NFILZ: variants seen among roughly 807,000 people sequenced by gnomAD.
The protein encoded by NFILZ is NFIL3 like protein.
Position 8,668,236 on chromosome 19 carries a change from C to T in NFILZ, c.-163-6315C>T, listed in dbSNP as rs535256814. 4.6e-5 allele frequency among the ~76,000 whole-genome samples: 7 copies of T among 152,048 alleles called. No individual in the cohort carries two copies. In the South Asian group the frequency reaches 1.0e-3, roughly 23 times the overall value. On this transcript the variant is annotated intron_variant, in intron 3 of 5. Transcript: ENST00000691075. ...AAAGTGCTGAGATTATAGGCCTGAG[C>T]GACTGTGCCCGGCATATACATATAT...
At chr19:8,639,439 A>G (rs370043029) in intron 3 of NFILZ, among the ~76,000 whole-genome samples, 3 of 151,776 alleles carry the variant, frequency 2.0e-5, no homozygotes, top group Non-Finnish European at 4.4e-5. Flanking sequence ...ACAAAACAAA[A>G]CGCAACAATT....
chr19:8,653,007 C>CTTTCTTTCTTTCTTTCTTT (rs1568420430), intron 3 of NFILZ, among the ~76,000 whole-genome samples: 5 of 46,728 alleles, frequency 1.1e-4, no homozygotes, highest in African/African-American at 2.7e-4. Context: ...TTCCTTCCTT[C>CTTTCTTTCTTTCTTTCTTT]CTTCCTTTCT....
intron 3 of NFILZ, among the ~76,000 whole-genome samples, chr19:8,671,324 T>C (rs1334415284): frequency 1.3e-5 from 2 of 152,012 alleles, no homozygotes; most frequent in Non-Finnish European, 2.9e-5. Context: ...GCCCAGCTCT[T>C]ACTGTGTTTT....
chr19:8,637,478 C>T (rs368964230), intron 3 of NFILZ, among the ~76,000 whole-genome samples: 4 of 150,604 alleles, frequency 2.7e-5, no homozygotes, highest in East Asian at 3.9e-4. Flanking sequence ...CAGGGAATGG[C>T]GGTGCATACT....
At chr19:8,661,338 A>AT (rs1260699759) in intron 3 of NFILZ, among the ~76,000 whole-genome samples, 1 of 151,152 alleles carries the variant, frequency 6.6e-6, no homozygotes, top group Non-Finnish European at 1.5e-5. Context: ...AGTTTTTTGT[A>AT]TTTTTTGTAG....
At chr19:8,668,505 C>A (rs2043072794) in intron 3 of NFILZ, among the ~76,000 whole-genome samples, 1 of 152,146 alleles carries the variant, frequency 6.6e-6, no homozygotes, top group Admixed American at 6.5e-5. Flanking sequence ...CTAACATATT[C>A]ATTGTACAGC....
At chr19:8,656,094 C>T (rs1481162577) in intron 3 of NFILZ, among the ~76,000 whole-genome samples, 2 of 152,066 alleles carry the variant, frequency 1.3e-5, no homozygotes, top group Non-Finnish European at 2.9e-5. Flanking sequence ...CAGGCACTGC[C>T]CAGGAAGGAG....
At chr19:8,675,372 T>G (rs1600157036) in intron 4 of NFILZ, among the ~76,000 whole-genome samples, 1 of 152,208 alleles carries the variant, frequency 6.6e-6, no homozygotes, top group Non-Finnish European at 1.5e-5. Flanking sequence ...AGAGTCTTCA[T>G]GAAAACCAGT....
At position 8,631,376 on chromosome 19, in the gene NFILZ, G is replaced by A. The variant is rs576327389; in HGVS notation, c.-411+632G>A. Among the ~76,000 whole-genome samples, 16 of 152,214 alleles carry A rather than the reference G, an allele frequency of 1.1e-4. No individual in the cohort carries two copies. The South Asian group carries it at 2.5e-3, about 24-fold the overall frequency. On this transcript the variant is annotated intron_variant, in intron 1 of 5. Transcript: ENST00000691075. The stretch of plus-strand genomic sequence containing the variant: ...CTCACAGGGAGGCTGGAGGGGGTCA[G>A]CCCAGGCAGGGCTGGGGGCTGGGCT...
At chr19:8,639,962 C>T (rs1463918525) in intron 3 of NFILZ, among the ~76,000 whole-genome samples, 1 of 152,084 alleles carries the variant, frequency 6.6e-6, no homozygotes, top group Non-Finnish European at 1.5e-5. Flanking sequence ...TGGCTGGGTC[C>T]CGGCTCTTTT....
In NFILZ at chr19:8,681,060, C is replaced by T. The variant is rs1364320026; in HGVS notation, c.*3425C>T. On this transcript the variant is annotated 3_prime_UTR_variant, in exon 6 of 6. Transcript: ENST00000691075. Reference sequence around the variant, plus strand: ...CTGAGTGATATGGGCATGAGGGGGACGTTTCCAAGTATATTTCTGTTGTAG... The same window carrying T: ...CTGAGTGATATGGGCATGAGGGGGATGTTTCCAAGTATATTTCTGTTGTAG... Among the ~76,000 whole-genome samples the T allele has an allele frequency of 3.9e-5, 6 of 151,944 alleles. No individual in the cohort carries two copies. Among genetic ancestry groups the T allele is most frequent in the South Asian group, 2.1e-4 (1 of 4,808 alleles).
chr19:8,663,746 G>GTGTGTA (rs1555674960), intron 3 of NFILZ, among the ~76,000 whole-genome samples: 3 of 51,892 alleles, frequency 5.8e-5, no homozygotes, highest in East Asian at 2.9e-4. Flanking sequence ...GTGTGTGTGT[G>GTGTGTA]TGTGTGTGTG....
At chr19:8,637,377 C>T (rs1216264075) in intron 3 of NFILZ, among the ~76,000 whole-genome samples, 2 of 151,958 alleles carry the variant, frequency 1.3e-5, no homozygotes, top group Admixed American at 1.3e-4. Flanking sequence ...ACAAAGTTAC[C>T]ATAGAACTCA....
rs1282304084 is a variant in NFILZ, at chr19:8,677,244, G to T, written c.479G>T (p.Arg160Ile). 6.6e-6 allele frequency among the ~76,000 whole-genome samples: 1 copy of T among 152,230 alleles called. No homozygotes were observed. Among genetic ancestry groups the T allele is most frequent in the Non-Finnish European group, 1.5e-5 (1 of 68,036 alleles). Residue 160 changes from arginine to isoleucine, a missense_variant, in exon 6 of 6, where the codon AGA becomes ATA. Physicochemically the swap from Arg to Ile is moderately conservative, Grantham distance 97. Transcript: ENST00000691075. ...TGTCGGGGCTGCCTGCTGGCTCCCA[G>T]ATGGACTGGCTTGGCCACTTCTCCT... is the stretch of plus-strand genomic sequence containing the variant. Reference protein sequence around the residue: ...PGCRGCLLAPRWTGLATSPRS... With the variant: ...PGCRGCLLAPIWTGLATSPRS...
At chr19:8,660,643 T>C (rs2043025998) in intron 3 of NFILZ, among the ~76,000 whole-genome samples, 1 of 134,370 alleles carries the variant, frequency 7.4e-6, no homozygotes, top group African/African-American at 2.7e-5. Context: ...TCCCTTACTT[T>C]TTTTTTTTTT....
chr19:8,669,208 G>T (rs782739092), intron 3 of NFILZ, among the ~76,000 whole-genome samples: 3 of 152,234 alleles, frequency 2.0e-5, no homozygotes, highest in Non-Finnish European at 4.4e-5. Context: ...GCCTCCCAAA[G>T]TGCTGGGATT....
At chr19:8,646,660 A>G (rs2042940400) in intron 3 of NFILZ, among the ~76,000 whole-genome samples, 1 of 152,118 alleles carries the variant, frequency 6.6e-6, no homozygotes, top group Admixed American at 6.6e-5. Flanking sequence ...TGCACAATGC[A>G]GTTCCCTCTA....
chr19:8,675,653 G>A (rs1427848637), intron 4 of NFILZ, among the ~76,000 whole-genome samples: 2 of 152,202 alleles, frequency 1.3e-5, no homozygotes, highest in East Asian at 1.9e-4. Flanking sequence ...TGTAGTCCCA[G>A]CTACTTGGGA....
At chr19:8,638,238 G>A (rs1271731944) in intron 3 of NFILZ, among the ~76,000 whole-genome samples, 5 of 152,202 alleles carry the variant, frequency 3.3e-5, no homozygotes, top group Non-Finnish European at 7.3e-5. Context: ...ACGCTATGCT[G>A]TGTGATGCTA....
Sources: gnomAD v4.1 joint callset for allele counts (sites outside exome capture counted in the v4.1 genomes callset) on GRCh38, gnomAD v4.1.1 for gene constraint, MANE v1.5 for transcripts, NCBI Gene and HGNC (gene_info 2026-07-23, HGNC 2026-07-21) for gene names.